Variants in NPHP3 observed in about 807,000 individuals in gnomAD.
NPHP3 encodes the protein nephrocystin-3.
NPHP3 carries 123 observed loss-of-function variants against 171.9 expected under a neutral mutation model. That is an observed-to-expected ratio of 0.72 (90% confidence interval 0.62 to 0.83). The LOEUF is 0.83. NPHP3 is among the 40% of genes least tolerant of loss of function. The pLI is 0.00. For missense variants in NPHP3, 1,506 were observed against 1,591.9 expected (o/e 0.95, Z 0.92); for synonymous variants, 558 against 579.2 (o/e 0.96, Z 0.52).
intron 18 of NPHP3, 132 bp downstream of exon 18, chr3:132,691,060 G>A: frequency 2.5e-6 from 2 of 791,948 alleles, no homozygotes; most frequent in Non-Finnish European, 4.5e-6. Context: ...TAACAGAATA[G>A]GGAGAGGATT....
chr3:132,720,459 C>G (rs1197636631), intron 1 of NPHP3, among the ~76,000 whole-genome samples: 1 of 152,160 alleles, frequency 6.6e-6, no homozygotes, highest in Non-Finnish European at 1.5e-5. Flanking sequence ...ACAGTTGTTT[C>G]CAACGTGCGG....
chr3:132,721,653 G>A (rs117605929), intron 1 of NPHP3: 4 of 532,508 alleles, frequency 7.5e-6, no homozygotes, highest in East Asian at 7.5e-5. Context: ...TAGAAAAGCG[G>A]GGACCAGGCG....
At chr3:132,706,654 T>C (rs1560011312) in intron 7 of NPHP3, among the ~76,000 whole-genome samples, 1 of 152,178 alleles carries the variant, frequency 6.6e-6, no homozygotes, top group Non-Finnish European at 1.5e-5. Context: ...TTACAATACA[T>C]ACCAAGTGAA....
chr3:132,715,938 C>G (rs1011398573), intron 4 of NPHP3, among the ~76,000 whole-genome samples: 1 of 152,190 alleles, frequency 6.6e-6, no homozygotes, highest in Non-Finnish European at 1.5e-5. Context: ...TGCTCAGGTC[C>G]CTTACATAAA....
chr3:132,691,392 G>A, intron 17 of NPHP3, 106 bp from the exon 18 acceptor site: 4 of 778,132 alleles, frequency 5.1e-6, no homozygotes, highest in South Asian at 4.4e-5. Flanking sequence ...TTTTATAGCT[G>A]TATAATAGAA....
At chr3:132,717,789 G>T (rs1940095895) in intron 3 of NPHP3, among the ~76,000 whole-genome samples, 1 of 116,050 alleles carries the variant, frequency 8.6e-6, no homozygotes, top group African/African-American at 3.4e-5. Context: ...AGATGAGTCT[G>T]GCTCTGTTGC....
chr3:132,716,202 C>T (rs1314774541), intron 4 of NPHP3, among the ~76,000 whole-genome samples: 1 of 152,180 alleles, frequency 6.6e-6, no homozygotes, highest in African/African-American at 2.4e-5. Flanking sequence ...TAGTTATTTA[C>T]AATACCTCAT....
chr3:132,690,291 A>G (rs1386410341), intron 19 of NPHP3, among the ~76,000 whole-genome samples: 1 of 152,204 alleles, frequency 6.6e-6, no homozygotes, highest in Non-Finnish European at 1.5e-5. Flanking sequence ...CATAAGATAA[A>G]AAGTTGAACC....
At chr3:132,705,692 T>C (rs370425745) in intron 8 of NPHP3, 48 bp downstream of exon 8, 19 of 1,001,814 alleles carry the variant, frequency 1.9e-5, no homozygotes, top group Non-Finnish European at 2.8e-5. Context: ...TCATAGAAAG[T>C]GATCTTAAAA....
rs913424458 is a variant in NPHP3 at position 132,695,461 on chromosome 3, A to C, written c.2172-496T>G. Among the ~76,000 whole-genome samples the C allele has an allele frequency of 2.6e-5, 4 of 152,328 alleles. No homozygotes were observed. The East Asian group carries it at 7.7e-4, about 29-fold the overall frequency. ...AAAGATGTACAAAGAGAAAAAACAAAGGGTCCATAGTCTCTTTAAAATAGG... is the reference window on the plus strand; with the variant it reads ...AAAGATGTACAAAGAGAAAAAACAACGGGTCCATAGTCTCTTTAAAATAGG... On this transcript the variant is annotated intron_variant, in intron 15 of 26. Transcript: ENST00000337331.
chr3:132,691,156 G>A, intron 18 of NPHP3, 36 bp downstream of exon 18: 2 of 1,432,354 alleles, frequency 1.4e-6, no homozygotes, highest in Non-Finnish European at 2.0e-6. Context: ...GTGTGTTGCA[G>A]AAGTTACAGA....
intron 2 of NPHP3, 69 bp downstream of exon 2, chr3:132,719,636 T>A (rs1171487290): frequency 9.8e-7 from 1 of 1,015,488 alleles, no homozygotes; most frequent in Non-Finnish European, 1.4e-6. Context: ...GCATTATATA[T>A]TATATATACT....
chr3:132,717,752 C>CTTTTTTTTTTTTTTT (rs959757847), intron 3 of NPHP3, among the ~76,000 whole-genome samples: 1 of 81,246 alleles, frequency 1.2e-5, no homozygotes, highest in Non-Finnish European at 2.2e-5. Context: ...CATTAAGAAT[C>CTTTTTTTTTTTTTTT]TTTTTTTTTT....
At chr3:132,697,210 A>G (rs1234254903) in intron 14 of NPHP3, 50 bp downstream of exon 14, 1 of 1,219,926 alleles carries the variant, frequency 8.2e-7, no homozygotes, top group Admixed American at 1.7e-5. Flanking sequence ...AAGATGTTTC[A>G]TAGGAAAGAT....
Position 132,684,473 on chromosome 3 carries a change from A to G in NPHP3, c.3570+81T>C, listed in dbSNP as rs1261999625. ...TCATATAAACTAACCTGTCCCTCATAAAGACAAATTATTTTGCTGATAGTA... is the reference window on the plus strand; with the variant it reads ...TCATATAAACTAACCTGTCCCTCATGAAGACAAATTATTTTGCTGATAGTA... On this transcript the variant is annotated intron_variant, in intron 24 of 26. Transcript: ENST00000337331. 3.3e-6 allele frequency: 5 copies of G among 1,499,694 alleles called. No homozygotes were observed. The East Asian group carries it at 1.1e-4, about 34-fold the overall frequency. The allele number at this position is 1,499,694 out of a possible 1,614,324, so 92.9% of individuals were successfully genotyped here.
In NPHP3 at chr3:132,694,868, C is replaced by G. The variant is rs776113044; in HGVS notation, c.2269G>C (p.Glu757Gln). The change falls in exon 16 of 27, where the codon GAG (glutamate) becomes CAG (glutamine). Residue 757 changes from glutamate to glutamine, a missense_variant. This residue lies in a region of NPHP3 where 930 missense variants were observed against 924.9 expected (regional missense o/e 1.01). Coordinates refer to ENST00000337331, the MANE Select transcript of NPHP3 (RefSeq NM_153240.5). The stretch of plus-strand genomic sequence containing the variant: ...TTATCCACATCATTTGCCATGGACT[C>G]CCGGATAGAGTGCAGAACAAGTCTA... The part of the protein sequence containing the change: ...LYRLVLHSIR[E>Q]SMANDVDKEL... 1.4e-5 allele frequency: 22 copies of G among 1,613,614 alleles called. No homozygotes were observed. The highest frequency in any genetic ancestry group is 1.6e-4 in the Middle Eastern group (1 of 6,082).
At position 132,719,705 on chromosome 3, in the gene NPHP3, C is replaced by G; in HGVS notation, c.519G>C (p.Lys173Asn). The G allele has an allele frequency of 1.3e-6, 2 of 1,544,702 alleles. No individual in the cohort carries two copies. Among genetic ancestry groups the G allele is most frequent in the Non-Finnish European group, 1.8e-6 (2 of 1,141,324 alleles). The change falls in exon 2 of 27, where the codon AAG becomes AAC. Residue 173 changes from lysine (K) to asparagine (N), a missense_variant and splice_region_variant. Lys to Asn is a moderately conservative substitution (Grantham distance 94, BLOSUM62 0). Around this residue, in one of 3 missense-constraint regions of NPHP3, gnomAD observed 930 missense variants for 924.9 expected, o/e 1.01. Coordinates refer to ENST00000337331, the MANE Select transcript of NPHP3 (RefSeq NM_153240.5). ...HDRDKVKRQF[K>N]IFRETKENEI... The stretch of plus-strand genomic sequence containing the variant: ...GGGGGTAAAAATGTAAGGAATTTAC[C>G]TTGAATTGCCTTTTAACTTTATCTC...
At chr3:132,712,355 G>A (rs1939933078) in intron 6 of NPHP3, 3 of 452,088 alleles carry the variant, frequency 6.6e-6, no homozygotes, top group South Asian at 4.7e-5. Context: ...ATTGAAATTA[G>A]GGGTTATCAA....
chr3:132,700,941 C>A (rs1355367032), intron 10 of NPHP3, among the ~76,000 whole-genome samples: 2 of 151,954 alleles, frequency 1.3e-5, no homozygotes, highest in Non-Finnish European at 2.9e-5. Flanking sequence ...CTTATATGAA[C>A]CTTAGTCCAT....
Sources: allele counts gnomAD v4.1 joint callset (sites outside exome capture counted in the v4.1 genomes callset), GRCh38; gene constraint gnomAD v4.1.1; regional missense constraint gnomAD v4.1.1; transcripts MANE v1.5; gene names NCBI Gene and HGNC (gene_info 2026-07-23, HGNC 2026-07-21).